SLC45A1: variants seen among roughly 807,000 people sequenced by gnomAD.
The protein encoded by SLC45A1 is solute carrier family 45 member 1, also known as proton-associated sugar transporter A.
In SLC45A1, 28 loss-of-function variants were observed where a neutral mutation model predicts 57.6. The observed-to-expected ratio is 0.49, with a 90% confidence interval of 0.36 to 0.67. The LOEUF (loss-of-function observed/expected upper bound fraction) is 0.67, where lower values mean the gene tolerates loss of function less well. SLC45A1 is among the 30% of genes least tolerant of loss of function. The pLI, the probability that SLC45A1 is intolerant of heterozygous loss-of-function variation, is 0.00. For missense variants in SLC45A1, 814 were observed against 1,041.5 expected (o/e 0.78, Z 3.01); for synonymous variants, 459 against 471.5 (o/e 0.97, Z 0.34).
At chr1:8,340,887 G>A (rs528618013) in intron 8 of SLC45A1, among the ~76,000 whole-genome samples, 18 of 152,146 alleles carry the variant, frequency 1.2e-4, no homozygotes, top group Non-Finnish European at 2.2e-4. Flanking sequence ...AAATAATCAG[G>A]CATAAATTAA....
chr1:8,332,647 G>A (rs1000117518), intron 5 of SLC45A1, among the ~76,000 whole-genome samples: 5 of 151,924 alleles, frequency 3.3e-5, no homozygotes, highest in African/African-American at 1.2e-4. Context: ...GAGTAGCTGG[G>A]ACTACGGGCA....
At chr1:8,324,799 G>T in intron 2 of SLC45A1, 73 bp downstream of exon 2, 1 of 1,374,030 alleles carries the variant, frequency 7.3e-7, no homozygotes. Context: ...GTAGCCTGAG[G>T]GTCCTGAGGG....
chr1:8,320,157 T>G (rs1181328210), intron 1 of SLC45A1, among the ~76,000 whole-genome samples: 1 of 152,166 alleles, frequency 6.6e-6, no homozygotes, highest in Non-Finnish European at 1.5e-5. Flanking sequence ...TGAGCCAGGA[T>G]TAAGCTAGGT....
intron 1 of SLC45A1, among the ~76,000 whole-genome samples, chr1:8,322,328 A>G (rs934183693): frequency 0.89 from 34 of 38 alleles, 16 homozygotes; most frequent in Non-Finnish European, 0.92. Flanking sequence ...GGATGGATGG[A>G]TGGATGGATG....
intron 5 of SLC45A1, among the ~76,000 whole-genome samples, chr1:8,332,898 G>A (rs758872542): frequency 5.9e-5 from 9 of 152,228 alleles, no homozygotes; most frequent in Non-Finnish European, 1.2e-4. Context: ...GGGCGTTGCA[G>A]GAGGAGAGTA....
At chr1:8,323,688 G>A (rs1640103811) in intron 1 of SLC45A1, among the ~76,000 whole-genome samples, 1 of 152,158 alleles carries the variant, frequency 6.6e-6, no homozygotes, top group African/African-American at 2.4e-5. Context: ...CTTGTCAATG[G>A]GTGCTGAAGG....
intron 8 of SLC45A1, among the ~76,000 whole-genome samples, chr1:8,341,403 CGGA>C (rs1640810352): frequency 6.7e-6 from 1 of 150,344 alleles, no homozygotes; most frequent in African/African-American, 2.5e-5. Flanking sequence ...GGCGTGGTGG[CGGA>C]CGCCTATAGT....
At position 8,330,077 on chromosome 1, in the gene SLC45A1, A is replaced by T; in HGVS notation, c.716-132A>T. 1 of 1,151,612 alleles carries T rather than the reference A, an allele frequency of 8.7e-7. No homozygotes were observed. Among genetic ancestry groups the T allele is most frequent in the Non-Finnish European group, 1.2e-6 (1 of 807,304 alleles). 71.3% of individuals were successfully genotyped at this position (1,151,612 alleles called of 1,614,324 possible). Reference sequence around the variant, plus strand: ...ATCCTGTCCCATTTTGTTGGGGTTTAGGTGGAACAGGTTCTGTGCCCACGT... The same window carrying T: ...ATCCTGTCCCATTTTGTTGGGGTTTTGGTGGAACAGGTTCTGTGCCCACGT... On this transcript the variant is annotated intron_variant, in intron 4 of 8. Coordinates refer to ENST00000471889, the MANE Select transcript of SLC45A1 (RefSeq NM_001080397.3). This position sits in a 1 kb window ranked among gnomAD's most constrained non-coding sequence, Gnocchi z 8.4.
At chr1:8,337,601 G>A (rs1413799616) in intron 6 of SLC45A1, among the ~76,000 whole-genome samples, 5 of 152,240 alleles carry the variant, frequency 3.3e-5, no homozygotes, top group Middle Eastern at 3.4e-3. Flanking sequence ...TGTATTTTCA[G>A]TAGAGACGGG....
Position 8,325,702 on chromosome 1 carries a change from T to G in SLC45A1, c.491-116T>G. 5.4e-5 allele frequency: 53 copies of G among 986,736 alleles called. No homozygotes were observed. Among genetic ancestry groups the G allele is most frequent in the Non-Finnish European group, 7.1e-5 (48 of 672,700 alleles). The allele number at this position is 986,736 out of a possible 1,614,324, so 61.1% of individuals were successfully genotyped here. Reference sequence around the variant, plus strand: ...GGCGGCTTTTCCACCGGGCTGTGCTTGAGGTTTAAGTTTTAAAAATTCTTG... The same window carrying G: ...GGCGGCTTTTCCACCGGGCTGTGCTGGAGGTTTAAGTTTTAAAAATTCTTG... On this transcript the variant is annotated intron_variant, in intron 3 of 8. Coordinates refer to ENST00000471889, the MANE Select transcript of SLC45A1 (RefSeq NM_001080397.3). This position sits in a 1 kb window ranked among gnomAD's most constrained non-coding sequence, Gnocchi z 6.3.
intron 1 of SLC45A1, among the ~76,000 whole-genome samples, chr1:8,319,627 T>G (rs986909518): frequency 1.3e-5 from 2 of 152,190 alleles, no homozygotes; most frequent in Non-Finnish European, 2.9e-5. Context: ...CTGGCGAATG[T>G]TTGTATTTGT....
Position 8,325,405 on chromosome 1 carries a change from C to A in SLC45A1, c.490+15C>A. 2 of 1,551,450 alleles carry A rather than the reference C, an allele frequency of 1.3e-6. No homozygotes were observed. The highest frequency in any genetic ancestry group is 1.8e-6 in the Non-Finnish European group (2 of 1,129,410). On this transcript the variant is annotated intron_variant, in intron 3 of 8. Coordinates refer to ENST00000471889, the MANE Select transcript of SLC45A1 (RefSeq NM_001080397.3). This position sits in a 1 kb window ranked among gnomAD's most constrained non-coding sequence, Gnocchi z 6.3. ...CCTGGCTATAGGTCTGTTGTTTTGG[C>A]ATGGAAATAAAATGGAGAGGAAAAA... is the stretch of plus-strand genomic sequence containing the variant.
At chr1:8,323,202 G>C (rs1640084629) in intron 1 of SLC45A1, among the ~76,000 whole-genome samples, 1 of 152,008 alleles carries the variant, frequency 6.6e-6, no homozygotes, top group Non-Finnish European at 1.5e-5. Context: ...TGTTTAAAAA[G>C]TAAGTTGAGG....
Position 8,335,568 on chromosome 1 carries a change from C to T in SLC45A1, c.1575C>T (p.Thr525=), listed in dbSNP as rs201144959. The T allele has an allele frequency of 6.9e-5, 111 of 1,605,176 alleles. No individual in the cohort carries two copies. The East Asian group carries it at 2.5e-3, about 36-fold the overall frequency. Residue 525 remains threonine (T), a synonymous_variant, in exon 6 of 9, where the codon ACC becomes ACT. Transcript: ENST00000471889. The surrounding 1 kb of genome is among the most constrained non-coding windows in gnomAD (Gnocchi z 4.1). ...TICNMPKALR[T]LCVNHFLGWL... ...GCAACATGCCCAAGGCGCTACGCAC[C>T]CTCTGCGTCAACCACTTCCTGGGTG...
chr1:8,332,391 C>T (rs966127607), intron 5 of SLC45A1, among the ~76,000 whole-genome samples: 3 of 152,212 alleles, frequency 2.0e-5, no homozygotes, highest in African/African-American at 7.2e-5. Context: ...CGCCATCTTC[C>T]ACGAAGGCCA....
Position 8,327,851 on chromosome 1 carries a change from C to G in SLC45A1, c.715+1809C>G, listed in dbSNP as rs1640249592. On this transcript the variant is annotated intron_variant, in intron 4 of 8. Transcript: ENST00000471889. The surrounding 1 kb of genome is among the most constrained non-coding windows in gnomAD (Gnocchi z 4.3). Reference sequence around the variant, plus strand: ...TTCAAGACCAGCCTGGCCAACATGACAAAATCCCATCTCTACTAAAAATAC... The same window carrying G: ...TTCAAGACCAGCCTGGCCAACATGAGAAAATCCCATCTCTACTAAAAATAC... Among the ~76,000 whole-genome samples the G allele has an allele frequency of 6.6e-6, 1 of 151,950 alleles. No homozygotes were observed. Among genetic ancestry groups the G allele is most frequent in the South Asian group, 2.1e-4 (1 of 4,812 alleles).
intron 1 of SLC45A1, among the ~76,000 whole-genome samples, chr1:8,318,624 C>A (rs1293800174): frequency 6.6e-6 from 1 of 152,220 alleles, no homozygotes; most frequent in East Asian, 1.9e-4. Flanking sequence ...GCGAGGGCAC[C>A]GAGGACTCCC....
chr1:8,339,047 C>T (rs895737612), intron 7 of SLC45A1, among the ~76,000 whole-genome samples: 4 of 152,212 alleles, frequency 2.6e-5, no homozygotes, highest in Non-Finnish European at 4.4e-5. Flanking sequence ...GGAGCCCCGT[C>T]GCTGACATCC....
chr1:8,339,231 G>A (rs910931812), intron 7 of SLC45A1, among the ~76,000 whole-genome samples: 5 of 152,196 alleles, frequency 3.3e-5, no homozygotes, highest in African/African-American at 4.8e-5. Context: ...TGGGGGACCT[G>A]GCCCGGGCCA....
Sources: gnomAD v4.1 joint callset for allele counts (sites outside exome capture counted in the v4.1 genomes callset) on GRCh38, gnomAD v4.1.1 for gene constraint, Gnocchi (gnomAD v3.1) non-coding constraint, MANE v1.5 for transcripts, NCBI Gene and HGNC (gene_info 2026-07-23, HGNC 2026-07-21) for gene names.